The following TBRG4 variants were observed in gnomAD, a reference collection of about 807,000 sequenced individuals.
TBRG4 encodes the protein transforming growth factor beta regulator 4.
In TBRG4, 43 loss-of-function variants were observed where a neutral mutation model predicts 65.6. The ratio of observed to expected loss-of-function variants is 0.66; its 90% CI spans 0.51 to 0.85. The LOEUF (loss-of-function observed/expected upper bound fraction) is 0.85, where lower values mean the gene tolerates loss of function less well. Ranked by LOEUF, TBRG4 falls within the 40% of genes least tolerant of loss-of-function variation. The pLI is 0.00. For missense variants in TBRG4, 709 were observed against 787.9 expected (o/e 0.90, Z 1.20); for synonymous variants, 366 against 341.4 (o/e 1.07, Z -0.79).
chr7:45,104,680 G>A lies in TBRG4; in HGVS notation c.765C>T (p.Pro255=). ...KCLELVEHFG[P]NELRKVLVML... Reference sequence around the variant, plus strand: ...TCACCAGCACCTTCCGCAGCTCATTGGGGCCAAAGTGCTCCACCAACTCCA... The same window carrying A: ...TCACCAGCACCTTCCGCAGCTCATTAGGGCCAAAGTGCTCCACCAACTCCA... Residue 255 remains proline (P), a synonymous_variant, in exon 4 of 11, where the codon CCC becomes CCT. Transcript: ENST00000258770. 1 of 1,613,908 alleles carries A rather than the reference G, an allele frequency of 6.2e-7. No homozygotes were observed. Among genetic ancestry groups the A allele is most frequent in the East Asian group, 2.2e-5 (1 of 44,884 alleles).
In TBRG4 at chr7:45,106,280, T is replaced by A. The variant is rs1376743419; in HGVS notation, c.412-516A>T. On this transcript the variant is annotated intron_variant, in intron 2 of 10. Coordinates refer to ENST00000258770, the MANE Select transcript of TBRG4 (RefSeq NM_004749.4). ...AGGGAAATTCTCCAAGTTTCCCCAA[T>A]GAAGTTTTGACCTAATGTAGTTGAT... is the stretch of plus-strand genomic sequence containing the variant. The A allele has an allele frequency of 9.3e-6, 3 of 321,792 alleles. No homozygotes were observed. In the East Asian group the frequency reaches 2.3e-4, roughly 25 times the overall value. The allele number at this position is 321,792 out of a possible 1,614,324, so 19.9% of individuals were successfully genotyped here.
chr7:45,111,616 C>A, intron 1 of TBRG4, 27 bp downstream of exon 1: 1 of 1,289,474 alleles, frequency 7.8e-7, no homozygotes, highest in Non-Finnish European at 1.0e-6. Flanking sequence ...GATCAGCCGC[C>A]CCTTCTCCCC....
chr7:45,109,186 G>A lies in TBRG4; in HGVS notation c.52C>T (p.Arg18Cys), dbSNP rs201375049. 6.2e-6 allele frequency: 10 copies of A among 1,612,958 alleles called. No individual in the cohort carries two copies. In the African/African-American group the frequency reaches 6.7e-5, roughly 11 times the overall value. The change falls in exon 2 of 11, where the codon CGT becomes TGT. Residue 18 changes from arginine to cysteine, a missense_variant. Arg to Cys is a radical substitution (Grantham distance 180, BLOSUM62 -3). Coordinates refer to ENST00000258770, the MANE Select transcript of TBRG4 (RefSeq NM_004749.4). ...RCTCLLREAA[R>C]QAPAMAPVGR... ...ACTGGAGCCATGGCAGGGGCCTGAC[G>A]AGCAGCTTCTCTCAGGAGGCACGTG... is the stretch of plus-strand genomic sequence containing the variant.
chr7:45,101,842 T>C lies in TBRG4; in HGVS notation c.1550A>G (p.Gln517Arg), dbSNP rs764814736. The C allele has an allele frequency of 6.2e-6, 10 of 1,606,810 alleles. No individual in the cohort carries two copies. The highest frequency in any genetic ancestry group is 7.6e-6 in the Non-Finnish European group (9 of 1,179,582). ...GCCCTCACCCAGCACCCAGCCATAC[T>C]GCGTGGCCACCTCGAGGCTGCCCTT... ...ADKGSLEVAT[Q>R]YGWVLDAEVL... is the part of the protein sequence containing the mutation. Residue 517 changes from glutamine to arginine, a missense_variant, in exon 8 of 11, where the codon CAG becomes CGG. Gln to Arg is a conservative substitution (Grantham distance 43). Transcript: ENST00000258770.
chr7:45,105,727 AGCAGCTTC>A lies in TBRG4; in HGVS notation c.441_448del (p.Lys148GlyfsTer56). On this transcript the variant is annotated frameshift_variant, in exon 3 of 11. Transcript: ENST00000258770. LOFTEE classifies it high-confidence loss of function. ...GATGCCCAGAGCATACAGGCTTCCC[AGCAGCTTC>A]GAGAGGGTACCATGCCAGACCGAGG... The A allele has an allele frequency of 6.2e-7, 1 of 1,613,128 alleles. No homozygotes were observed. The highest frequency in any genetic ancestry group is 1.1e-5 in the South Asian group (1 of 91,034).
chr7:45,110,071 C>T (rs1351702506), intron 1 of TBRG4, among the ~76,000 whole-genome samples: 2 of 151,792 alleles, frequency 1.3e-5, no homozygotes, highest in Non-Finnish European at 2.9e-5. Flanking sequence ...AGGTAGATTA[C>T]ATCACTAGCC....
chr7:45,103,108 C>G, intron 6 of TBRG4: 1 of 576,234 alleles, frequency 1.7e-6, no homozygotes, highest in Non-Finnish European at 3.1e-6. Flanking sequence ...GAGGCAGGAC[C>G]CCCCAGCGCT....
chr7:45,106,743 T>A (rs1458763352), intron 2 of TBRG4: 1 of 152,230 alleles, frequency 6.6e-6, no homozygotes, highest in African/African-American at 2.4e-5. Context: ...GCCACTGCAC[T>A]CCAGCCTGGG....
chr7:45,101,668 C>A, intron 8 of TBRG4, 54 bp from the exon 9 acceptor site: 1 of 1,602,292 alleles, frequency 6.2e-7, no homozygotes, highest in Non-Finnish European at 8.5e-7. Context: ...TCAGAAACCC[C>A]CCCACAGGAA....
At chr7:45,108,536 G>A (rs781104867) in intron 2 of TBRG4, among the ~76,000 whole-genome samples, 3 of 152,190 alleles carry the variant, frequency 2.0e-5, no homozygotes, top group Non-Finnish European at 4.4e-5. Context: ...TATGGTGAGG[G>A]GGAAAGCACC....
At position 45,101,960 on chromosome 7, in the gene TBRG4, C is replaced by G; in HGVS notation, c.1432G>C (p.Val478Leu). ...YSGPLLPASA[V>L]APGPSALDRK... ...TCAAGGGCTGAGGGCCCAGGGGCCA[C>G]AGCCGAGGCAGGCAGAAGGGGACCC... is the stretch of plus-strand genomic sequence containing the variant. Residue 478 changes from valine to leucine, a missense_variant, in exon 8 of 11, where the codon GTG becomes CTG. Val to Leu is a conservative substitution (Grantham distance 32). Transcript: ENST00000258770. 3.1e-6 allele frequency: 5 copies of G among 1,592,988 alleles called. No homozygotes were observed. The highest frequency in any genetic ancestry group is 4.3e-6 in the Non-Finnish European group (5 of 1,171,554).
intron 7 of TBRG4, 111 bp from the exon 8 acceptor site, chr7:45,102,181 C>T: frequency 6.5e-7 from 1 of 1,530,418 alleles, no homozygotes; most frequent in Non-Finnish European, 8.8e-7. Context: ...TTTTCTGGGT[C>T]AGGAGGCAGC....
At chr7:45,110,089 AC>A (rs916710067) in intron 1 of TBRG4, among the ~76,000 whole-genome samples, 1 of 151,778 alleles carries the variant, frequency 6.6e-6, no homozygotes, top group African/African-American at 2.4e-5. Flanking sequence ...GCCTACTAAA[AC>A]CCCCCCACCA....
intron 2 of TBRG4, 91 bp from the exon 3 acceptor site, chr7:45,105,855 G>C: frequency 7.2e-7 from 1 of 1,380,446 alleles, no homozygotes; most frequent in Non-Finnish European, 1.0e-6. Context: ...TGTTTCATGA[G>C]CATTTACTAC....
In TBRG4 at chr7:45,101,388, G is replaced by C. The variant is rs1352362057; in HGVS notation, c.1680-16C>G. On this transcript the variant is annotated splice_polypyrimidine_tract_variant and intron_variant, in intron 9 of 10. Transcript: ENST00000258770. ...GAACGCTAGCCTGGAAGGAAGAAGA[G>C]GTGGCTGACATGCTTCCACTCTCCC... The C allele has an allele frequency of 1.9e-6, 3 of 1,613,250 alleles. No homozygotes were observed. The highest frequency in any genetic ancestry group is 1.3e-5 in the African/African-American group (1 of 75,060).
intron 3 of TBRG4, 160 bp downstream of exon 3, chr7:45,105,281 T>C: frequency 1.3e-6 from 1 of 794,652 alleles, no homozygotes; most frequent in Non-Finnish European, 2.0e-6. Flanking sequence ...CCGAGCCCTC[T>C]GGTCCTGCCC....
At position 45,109,064 on chromosome 7, in the gene TBRG4, C is replaced by A; in HGVS notation, c.174G>T (p.Val58=). The A allele has an allele frequency of 6.2e-7, 1 of 1,613,952 alleles. No homozygotes were observed. The highest frequency in any genetic ancestry group is 8.5e-7 in the Non-Finnish European group (1 of 1,179,896). The part of the protein sequence containing the change: ...SHLPGSLMEP[V]EKERASTPYI... ...AGGGAGTAGATGCTCGTTCCTTCTC[C>A]ACCGGCTCCATCAAGGAACCTGGGA... Residue 58 remains valine (V), a synonymous_variant, in exon 2 of 11, where the codon GTG becomes GTT. Coordinates refer to ENST00000258770, the MANE Select transcript of TBRG4 (RefSeq NM_004749.4).
At chr7:45,107,885 G>A (rs747746903) in intron 2 of TBRG4, 2 of 152,538 alleles carry the variant, frequency 1.3e-5, no homozygotes, top group African/African-American at 4.8e-5. Flanking sequence ...TCCCCAGCAA[G>A]AAATAATTAT....
chr7:45,110,277 CT>C (rs1213081623), intron 1 of TBRG4, among the ~76,000 whole-genome samples: 3 of 152,208 alleles, frequency 2.0e-5, no homozygotes, highest in Non-Finnish European at 2.9e-5. Flanking sequence ...CCTCCTCCCC[CT>C]ATAAGACCCT....
Sources: gnomAD v4.1 joint callset for allele counts (sites outside exome capture counted in the v4.1 genomes callset) on GRCh38, gnomAD v4.1.1 for gene constraint, MANE v1.5 for transcripts, NCBI Gene and HGNC (gene_info 2026-07-23, HGNC 2026-07-21) for gene names.